MOB3A: variants seen among roughly 807,000 people sequenced by gnomAD.
The protein encoded by MOB3A is MOB LAK.
In MOB3A, 17 loss-of-function variants were observed where a neutral mutation model predicts 17.8. The observed-to-expected ratio is 0.95, with a 90% confidence interval of 0.65 to 1.43. The LOEUF (loss-of-function observed/expected upper bound fraction) is 1.43. Among genes scored for constraint, MOB3A ranks in the 40% most tolerant of loss-of-function variants. The probability of loss-of-function intolerance (pLI) is 0.00; values close to 1 mark genes in which losing one functional copy is unlikely to be tolerated. For synonymous variants in MOB3A, 124 were observed against 133.2 expected, an observed-to-expected ratio of 0.93 and a Z score of 0.48; for missense variants, 333 against 310.8, an observed-to-expected ratio of 1.07 and a Z score of -0.54.
At chr19:2,092,491 AG>A (rs2017625072) in intron 1 of MOB3A, among the ~76,000 whole-genome samples, 1 of 152,124 alleles carries the variant, frequency 6.6e-6, no homozygotes, top group South Asian at 2.1e-4. Context: ...CAAAAGGAAA[AG>A]GGGGTGAGGC....
In MOB3A at chr19:2,082,472, G is replaced by A. The variant is rs1244281702; in HGVS notation, c.-120+2703C>T. Among the ~76,000 whole-genome samples, 1 of 152,228 alleles carries A rather than the reference G, an allele frequency of 6.6e-6. No individual in the cohort carries two copies. The highest frequency in any genetic ancestry group is 1.5e-5 in the Non-Finnish European group (1 of 68,046). ...TCAGATGATTATGACTGATTCTACA[G>A]CAGTGTCTCACGCCACAGAGCTAGT... On this transcript the variant is annotated intron_variant, in intron 2 of 4. Transcript: ENST00000357066. This position sits in a 1 kb window ranked among gnomAD's most constrained non-coding sequence, Gnocchi z 4.1.
At chr19:2,086,338 CCT>C (rs1293456576) in intron 1 of MOB3A, among the ~76,000 whole-genome samples, 1 of 149,866 alleles carries the variant, frequency 6.7e-6, no homozygotes, top group African/African-American at 2.5e-5. Flanking sequence ...TAACGCCCAG[CCT>C]CTGAGTGTTT....
In MOB3A at chr19:2,078,331, C is replaced by T. The variant is rs776944146; in HGVS notation, c.230G>A (p.Gly77Asp). The T allele has an allele frequency of 2.5e-6, 4 of 1,614,186 alleles. No individual in the cohort carries two copies. The highest frequency in any genetic ancestry group is 1.6e-4 in the Middle Eastern group (1 of 6,062). ...CTCCGTGCAGCCGTCGCTGATGGTGCCGTAGATGAGGTTGACGCGGTTAAA... is the reference window on the plus strand; with the variant it reads ...CTCCGTGCAGCCGTCGCTGATGGTGTCGTAGATGAGGTTGACGCGGTTAAA... ...DFFNRVNLIYGTISDGCTEQS... is the reference protein window; with the variant it reads ...DFFNRVNLIYDTISDGCTEQS... The change falls in exon 3 of 5, where the codon GGC becomes GAC. Residue 77 changes from glycine to aspartate, a missense_variant. Gly to Asp is a moderately conservative substitution (Grantham distance 94). Coordinates refer to ENST00000357066, the MANE Select transcript of MOB3A (RefSeq NM_130807.3).
intron 1 of MOB3A, among the ~76,000 whole-genome samples, chr19:2,088,922 G>A (rs903281004): frequency 5.9e-5 from 9 of 152,164 alleles, no homozygotes; most frequent in African/African-American, 2.2e-4. Flanking sequence ...TCTTTAATGA[G>A]TAATTTTTAC....
intron 2 of MOB3A, 112 bp from the exon 3 acceptor site, chr19:2,078,791 C>G: frequency 2.0e-6 from 1 of 505,424 alleles, no homozygotes; most frequent in South Asian, 3.0e-5. Flanking sequence ...CAGGGTCTTA[C>G]TCTGTTGCCC....
intron 2 of MOB3A, among the ~76,000 whole-genome samples, chr19:2,079,850 G>C (rs953924618): frequency 6.6e-6 from 1 of 152,348 alleles, no homozygotes. Flanking sequence ...GTATAAATGA[G>C]GAAGCCTCCA....
At chr19:2,095,500 T>A (rs905889287) in intron 1 of MOB3A, among the ~76,000 whole-genome samples, 1 of 152,290 alleles carries the variant, frequency 6.6e-6, no homozygotes, top group South Asian at 2.1e-4. Flanking sequence ...GGCTTGGGGA[T>A]CCTGAAGCCC....
intron 1 of MOB3A, among the ~76,000 whole-genome samples, chr19:2,091,341 G>C (rs926227541): frequency 6.6e-6 from 1 of 152,132 alleles, no homozygotes; most frequent in East Asian, 1.9e-4. Context: ...CCCAATATCC[G>C]ATAAGTGCAA....
Position 2,078,333 on chromosome 19 carries a change from G to A in MOB3A, c.228C>T (p.Tyr76=), listed in dbSNP as rs376399020. The A allele has an allele frequency of 9.9e-5, 160 of 1,614,182 alleles. No homozygotes were observed. The highest frequency in any genetic ancestry group is 3.3e-4 in the Middle Eastern group (2 of 6,062). The change falls in exon 3 of 5, where the codon TAC becomes TAT. Residue 76 remains tyrosine, a synonymous_variant. Coordinates refer to ENST00000357066, the MANE Select transcript of MOB3A (RefSeq NM_130807.3). The part of the protein sequence containing the change: ...VDFFNRVNLI[Y]GTISDGCTEQ... ...CCGTGCAGCCGTCGCTGATGGTGCC[G>A]TAGATGAGGTTGACGCGGTTAAAGA...
intron 4 of MOB3A, 108 bp downstream of exon 4, chr19:2,076,703 C>G: frequency 4.2e-6 from 5 of 1,178,448 alleles, no homozygotes; most frequent in Non-Finnish European, 6.0e-6. Context: ...GGGCCGCCAG[C>G]TGCTGGGCCG....
chr19:2,083,026 T>C (rs926767526), intron 2 of MOB3A, among the ~76,000 whole-genome samples: 10 of 152,222 alleles, frequency 6.6e-5, no homozygotes, highest in African/African-American at 2.2e-4. Context: ...GTTGTATTTT[T>C]TGTAGAGACG....
chr19:2,088,994 G>A (rs575923153), intron 1 of MOB3A, among the ~76,000 whole-genome samples: 3 of 152,294 alleles, frequency 2.0e-5, no homozygotes, highest in Non-Finnish European at 2.9e-5. Context: ...GCTCAAACGT[G>A]TATCTGGCCA....
chr19:2,079,266 T>G (rs780840902), intron 2 of MOB3A, among the ~76,000 whole-genome samples: 3 of 152,238 alleles, frequency 2.0e-5, no homozygotes, highest in Non-Finnish European at 2.9e-5. Context: ...TACCCAGCAC[T>G]GTGGGGCTTG....
chr19:2,076,427 G>A (rs1003059657), intron 4 of MOB3A, among the ~76,000 whole-genome samples: 41 of 152,282 alleles, frequency 2.7e-4, no homozygotes, highest in Admixed American at 2.2e-3. Context: ...GTGAGACTCC[G>A]TCTCAAAACA....
At chr19:2,095,451 G>C (rs2017671031) in intron 1 of MOB3A, 1 of 152,278 alleles carries the variant, frequency 6.6e-6, no homozygotes, top group African/African-American at 2.4e-5. Context: ...GGGACCCCGA[G>C]CAAGAAGGGC....
At chr19:2,089,244 C>T (rs1020068626) in intron 1 of MOB3A, among the ~76,000 whole-genome samples, 1 of 152,178 alleles carries the variant, frequency 6.6e-6, no homozygotes, top group Non-Finnish European at 1.5e-5. Flanking sequence ...GGGGCTCACC[C>T]GTGCTGCACG....
Position 2,073,348 on chromosome 19 carries a change from TC to T in MOB3A, c.*46del, listed in dbSNP as rs774906291. On this transcript the variant is annotated 3_prime_UTR_variant, in exon 5 of 5. Coordinates refer to ENST00000357066, the MANE Select transcript of MOB3A (RefSeq NM_130807.3). ...GTTCCAGAGCGTCCTCCTCCAAGTC[TC>T]CGAGGCCCCAGCGGCGGTTCGGGCA... 6.2e-7 allele frequency: 1 copy of T among 1,610,038 alleles called. No homozygotes were observed. The highest frequency in any genetic ancestry group is 8.5e-7 in the Non-Finnish European group (1 of 1,178,304).
In MOB3A at chr19:2,071,108, A is replaced by AG. The variant is rs1240147079; in HGVS notation, c.*2286dup. On this transcript the variant is annotated 3_prime_UTR_variant, in exon 5 of 5. Coordinates refer to ENST00000357066, the MANE Select transcript of MOB3A (RefSeq NM_130807.3). ...GGTGGTCTCCGAGGTGGATGGAGTG[A>AG]GGGTGGAGGGGACAGAGATGGTCCC... The AG allele has an allele frequency of 6.6e-6, 1 of 151,966 alleles. No homozygotes were observed. Among genetic ancestry groups the AG allele is most frequent in the Non-Finnish European group, 1.5e-5 (1 of 67,988 alleles). 9.4% of individuals were successfully genotyped at this position (151,966 alleles called of 1,614,324 possible). A position where few individuals can be genotyped will look rare whatever the true frequency, so the allele number is the denominator to read the frequency against.
At chr19:2,076,689 G>T in intron 4 of MOB3A, 122 bp downstream of exon 4, 1 of 994,236 alleles carries the variant, frequency 1.0e-6, no homozygotes, top group Non-Finnish European at 1.5e-6. Flanking sequence ...CCCAACTCCA[G>T]CCGGGGCCGC....
Sources: gnomAD v4.1 joint callset for allele counts (sites outside exome capture counted in the v4.1 genomes callset) on GRCh38, gnomAD v4.1.1 for gene constraint, Gnocchi (gnomAD v3.1) non-coding constraint, MANE v1.5 for transcripts, NCBI Gene and HGNC (gene_info 2026-07-23, HGNC 2026-07-21) for gene names.